The following SLIT3 variants were observed in gnomAD, a reference collection of about 807,000 sequenced individuals.
SLIT3 encodes the protein slit homolog 3 protein.
Under a neutral mutation model 184.0 loss-of-function variants are expected in SLIT3, and 68 were observed. The ratio of observed to expected loss-of-function variants is 0.37; its 90% CI spans 0.30 to 0.45. SLIT3 has a LOEUF of 0.45. Ranked by LOEUF, SLIT3 falls within the 20% of genes least tolerant of loss-of-function variation. The probability of loss-of-function intolerance (pLI) is 1.00; values close to 1 mark genes in which losing one functional copy is unlikely to be tolerated. For synonymous variants in SLIT3, 831 were observed against 828.6 expected (o/e 1.00, Z -0.05); for missense variants, 1,707 against 2,026.0 (o/e 0.84, Z 3.02).
chr5:169,099,961 C>T (rs991328028), intron 4 of SLIT3, among the ~76,000 whole-genome samples: 1 of 152,236 alleles, frequency 6.6e-6, no homozygotes, highest in Non-Finnish European at 1.5e-5. Flanking sequence ...TGACCATGAG[C>T]CAGAAAGCAG....
chr5:169,037,315 T>C (rs1757289747), intron 4 of SLIT3, among the ~76,000 whole-genome samples: 1 of 152,216 alleles, frequency 6.6e-6, no homozygotes, highest in Admixed American at 6.5e-5. Context: ...CAGCTCCTGG[T>C]AGACTAGGTT....
At chr5:169,265,268 C>T (rs1429279727) in intron 1 of SLIT3, among the ~76,000 whole-genome samples, 1 of 152,168 alleles carries the variant, frequency 6.6e-6, no homozygotes, top group Non-Finnish European at 1.5e-5. Flanking sequence ...TGCAGACCTG[C>T]GTAGTCTGGT....
chr5:169,262,265 G>A (rs1766218542), intron 1 of SLIT3, among the ~76,000 whole-genome samples: 1 of 152,172 alleles, frequency 6.6e-6, no homozygotes, highest in African/African-American at 2.4e-5. Context: ...ACTGCAATAT[G>A]GGCATAGCTA....
intron 16 of SLIT3, among the ~76,000 whole-genome samples, chr5:168,755,389 A>ATTTATTTATTTCTTTCTTTC (rs1213373035): frequency 2.2e-5 from 3 of 133,640 alleles, no homozygotes; most frequent in Admixed American, 1.6e-4. Context: ...CAGTGCCGCC[A>ATTTATTTATTTCTTTCTTTC]TTTCTTTCTT....
chr5:168,872,799 C>A (rs1759581010), intron 5 of SLIT3, among the ~76,000 whole-genome samples: 1 of 151,918 alleles, frequency 6.6e-6, no homozygotes, highest in Non-Finnish European at 1.5e-5. Flanking sequence ...CGCCACCACA[C>A]CCGGCTAATT....
At chr5:169,033,693 T>C (rs1317347272) in intron 4 of SLIT3, among the ~76,000 whole-genome samples, 2 of 152,196 alleles carry the variant, frequency 1.3e-5, no homozygotes, top group East Asian at 1.9e-4. Context: ...TGATGAATGA[T>C]GTTGAGCACC....
intron 1 of SLIT3, among the ~76,000 whole-genome samples, chr5:169,282,918 C>A (rs1385291306): frequency 3.6e-4 from 55 of 152,218 alleles, no homozygotes; most frequent in Non-Finnish European, 4.4e-5. Context: ...CCAAAAAGCA[C>A]CCCCAAATCA....
chr5:169,158,048 T>TA (rs1344780825), intron 4 of SLIT3, among the ~76,000 whole-genome samples: 8 of 151,752 alleles, frequency 5.3e-5, no homozygotes, highest in Non-Finnish European at 8.8e-5. Flanking sequence ...GGATGGGGCT[T>TA]AAAAAATACA....
intron 23 of SLIT3, among the ~76,000 whole-genome samples, chr5:168,721,514 G>C (rs1318978604): frequency 6.6e-6 from 1 of 152,174 alleles, no homozygotes; most frequent in Non-Finnish European, 1.5e-5. Context: ...GTGTAGGACA[G>C]GGCCAGGCAG....
At chr5:169,061,283 G>T (rs1758165318) in intron 4 of SLIT3, among the ~76,000 whole-genome samples, 1 of 152,220 alleles carries the variant, frequency 6.6e-6, no homozygotes, top group South Asian at 2.1e-4. Context: ...ACCAGGGAGA[G>T]TGAAGCTCTG....
intron 2 of SLIT3, among the ~76,000 whole-genome samples, chr5:169,249,610 A>G (rs1464735091): frequency 6.6e-6 from 1 of 152,206 alleles, no homozygotes; most frequent in Non-Finnish European, 1.5e-5. Context: ...AAAAAAAAAT[A>G]AAGTGAGAAG....
chr5:168,990,629 T>C (rs746440637), intron 4 of SLIT3, among the ~76,000 whole-genome samples: 17 of 152,314 alleles, frequency 1.1e-4, no homozygotes, highest in Non-Finnish European at 2.4e-4. Context: ...AATAGAATTA[T>C]AGGTTGAATA....
intron 4 of SLIT3, among the ~76,000 whole-genome samples, chr5:168,890,859 G>A (rs559467785): frequency 2.6e-5 from 4 of 152,314 alleles, no homozygotes; most frequent in South Asian, 2.1e-4. Context: ...TACTGAATCA[G>A]AAACCCTAAG....
intron 12 of SLIT3, among the ~76,000 whole-genome samples, chr5:168,775,435 C>T (rs1485212139): frequency 1.3e-5 from 2 of 152,110 alleles, no homozygotes; most frequent in African/African-American, 2.4e-5. Context: ...TCTTTTCCTG[C>T]TTTCCACTGT....
chr5:169,021,309 G>C (rs555571540), intron 4 of SLIT3, among the ~76,000 whole-genome samples: 2 of 152,212 alleles, frequency 1.3e-5, no homozygotes, highest in South Asian at 2.1e-4. Flanking sequence ...AATTCAACTT[G>C]AGCAACATGA....
chr5:168,824,654 A>T (rs1321075817), intron 6 of SLIT3, among the ~76,000 whole-genome samples: 1 of 152,150 alleles, frequency 6.6e-6, no homozygotes. Context: ...CTGCCTCACT[A>T]TACCTCCCAA....
At chr5:168,890,112 C>G (rs1271215831) in intron 4 of SLIT3, among the ~76,000 whole-genome samples, 1 of 147,614 alleles carries the variant, frequency 6.8e-6, no homozygotes, top group Non-Finnish European at 1.5e-5. Context: ...CGCACCCCAG[C>G]CTGGGTGACA....
chr5:169,185,803 C>T (rs915209700), intron 4 of SLIT3, among the ~76,000 whole-genome samples: 2 of 152,100 alleles, frequency 1.3e-5, no homozygotes, highest in Non-Finnish European at 2.9e-5. Flanking sequence ...CCTAACTAGG[C>T]GCCTGGCACT....
chr5:169,001,236 C>T (rs763837124), intron 4 of SLIT3, among the ~76,000 whole-genome samples: 6 of 152,182 alleles, frequency 3.9e-5, no homozygotes, highest in African/African-American at 1.2e-4. Context: ...TCCAGCTCAT[C>T]GCCACTGTCC....
Sources: allele counts gnomAD v4.1 joint callset (sites outside exome capture counted in the v4.1 genomes callset), GRCh38; gene constraint gnomAD v4.1.1; transcripts MANE v1.5; gene names NCBI Gene and HGNC (gene_info 2026-07-23, HGNC 2026-07-21).